Variants in MOXD1 observed in about 807,000 individuals in gnomAD.
MOXD1 encodes the protein monooxygenase DBH like 1.
In MOXD1, 62 loss-of-function variants were observed where a neutral mutation model predicts 66.6. The observed-to-expected ratio is 0.93, with a 90% CI of 0.76 to 1.15. MOXD1 has a LOEUF of 1.15. MOXD1 is among the 50% of genes most tolerant of loss of function. MOXD1 has a pLI of 0.00. For synonymous variants in MOXD1, 303 were observed against 281.9 expected, an observed-to-expected ratio of 1.07 and a Z score of -0.75; for missense variants, 847 against 754.6, an observed-to-expected ratio of 1.12 and a Z score of -1.44.
intron 4 of MOXD1, among the ~76,000 whole-genome samples, chr6:132,346,108 C>A (rs1333153273): frequency 6.6e-6 from 1 of 151,628 alleles, no homozygotes; most frequent in Non-Finnish European, 1.5e-5. Context: ...TAATTCTATC[C>A]AAGAAAGGGC....
chr6:132,393,733 G>A (rs1462263171), intron 1 of MOXD1, among the ~76,000 whole-genome samples: 4 of 152,140 alleles, frequency 2.6e-5, no homozygotes, highest in Non-Finnish European at 5.9e-5. Context: ...GTTCTGCCTG[G>A]GGGCCCAAGA....
At chr6:132,371,725 T>C (rs1317520269) in intron 4 of MOXD1, among the ~76,000 whole-genome samples, 1 of 152,126 alleles carries the variant, frequency 6.6e-6, no homozygotes, top group East Asian at 1.9e-4. Flanking sequence ...GACTTATGAT[T>C]CTCAAACCCA....
At chr6:132,360,582 A>C (rs1775998558) in intron 4 of MOXD1, among the ~76,000 whole-genome samples, 1 of 90,410 alleles carries the variant, frequency 1.1e-5, no homozygotes, top group Non-Finnish European at 2.2e-5. Context: ...GACTGTGCCC[A>C]AACAATCACT....
chr6:132,381,631 T>G (rs1386925812), intron 1 of MOXD1, among the ~76,000 whole-genome samples: 1 of 152,076 alleles, frequency 6.6e-6, no homozygotes, highest in Non-Finnish European at 1.5e-5. Context: ...TGAAAAAAAG[T>G]GTTAAATGAA....
At chr6:132,384,019 G>A (rs779864269) in intron 1 of MOXD1, among the ~76,000 whole-genome samples, 2 of 151,978 alleles carry the variant, frequency 1.3e-5, no homozygotes, top group South Asian at 2.1e-4. Flanking sequence ...GCAGTGAGCC[G>A]AGATCATCCA....
intron 4 of MOXD1, among the ~76,000 whole-genome samples, chr6:132,329,038 A>C (rs1775254377): frequency 6.6e-6 from 1 of 152,012 alleles, no homozygotes; most frequent in African/African-American, 2.4e-5. Flanking sequence ...ATATGTATAC[A>C]TGTGCCATGT....
chr6:132,336,859 C>T (rs990461542), intron 4 of MOXD1, among the ~76,000 whole-genome samples: 1 of 152,182 alleles, frequency 6.6e-6, no homozygotes, highest in Non-Finnish European at 1.5e-5. Context: ...CAACCTTGCC[C>T]TGCCAGCCAC....
rs139645328 is a variant in MOXD1 at position 132,305,287 on chromosome 6, A to G, written c.1509-7332T>C. Among the ~76,000 whole-genome samples, 443 of 152,256 alleles carry G rather than the reference A, an allele frequency of 2.9e-3. 3 individuals carry two copies. The highest frequency in any genetic ancestry group is 0.01 in the African/African-American group (419 of 41,560). Reference sequence around the variant, plus strand: ...GCCTCTTCAGGCTTGACCCTGACCCATCCTTCCTCACTGGGTGGGGCTTCC... The same window carrying G: ...GCCTCTTCAGGCTTGACCCTGACCCGTCCTTCCTCACTGGGTGGGGCTTCC... On this transcript the variant is annotated intron_variant, in intron 10 of 11. Coordinates refer to ENST00000367963, the MANE Select transcript of MOXD1 (RefSeq NM_015529.4).
intron 4 of MOXD1, among the ~76,000 whole-genome samples, chr6:132,340,765 G>A (rs1260716160): frequency 1.3e-5 from 2 of 149,002 alleles, no homozygotes; most frequent in African/African-American, 2.5e-5. Context: ...TCCTGCTTCA[G>A]CCTCTGGAGT....
intron 4 of MOXD1, among the ~76,000 whole-genome samples, chr6:132,345,818 T>A (rs565094144): frequency 1.2e-4 from 18 of 152,158 alleles, no homozygotes; most frequent in Non-Finnish European, 2.6e-4. Flanking sequence ...AGGAGTCTTT[T>A]TTTTTTCTTT....
chr6:132,315,611 T>A (rs1774927973), intron 10 of MOXD1, 24 bp downstream of exon 10: 2 of 1,594,938 alleles, frequency 1.3e-6, no homozygotes, highest in East Asian at 2.2e-5. Context: ...CGTTACCCCA[T>A]CATAAAATAC....
At chr6:132,339,896 G>A (rs1440802800) in intron 4 of MOXD1, among the ~76,000 whole-genome samples, 1 of 144,320 alleles carries the variant, frequency 6.9e-6, no homozygotes, top group Non-Finnish European at 1.5e-5. Context: ...CTGTGATGGA[G>A]TCTCACTCCG....
chr6:132,379,951 CA>C (rs1158613438), intron 1 of MOXD1, among the ~76,000 whole-genome samples: 2 of 152,086 alleles, frequency 1.3e-5, no homozygotes, highest in African/African-American at 2.4e-5. Flanking sequence ...GAGTTTTCAC[CA>C]CGTTGCCCAG....
chr6:132,329,307 G>A (rs536084365), intron 4 of MOXD1, among the ~76,000 whole-genome samples: 14 of 152,200 alleles, frequency 9.2e-5, no homozygotes, highest in Admixed American at 2.0e-4. Context: ...GAACTCATCC[G>A]TTTTTATGGC....
At chr6:132,319,295 CT>C (rs1436377479) in intron 9 of MOXD1, among the ~76,000 whole-genome samples, 1 of 151,892 alleles carries the variant, frequency 6.6e-6, no homozygotes, top group Non-Finnish European at 1.5e-5. Flanking sequence ...TAAAATTTCT[CT>C]GAAATTTTTT....
intron 1 of MOXD1, among the ~76,000 whole-genome samples, chr6:132,397,596 C>A (rs1009817214): frequency 6.9e-6 from 1 of 143,920 alleles, no homozygotes. Flanking sequence ...TATTTAAACA[C>A]ACACACACAC....
At chr6:132,392,110 C>G in intron 1 of MOXD1, 1 of 1,415,728 alleles carries the variant, frequency 7.1e-7, no homozygotes, top group Non-Finnish European at 9.4e-7. Flanking sequence ...GCTTTCCAAA[C>G]ATTTCTTTGT....
chr6:132,327,460 G>A (rs977023761), intron 6 of MOXD1, among the ~76,000 whole-genome samples: 1 of 152,148 alleles, frequency 6.6e-6, no homozygotes, highest in Non-Finnish European at 1.5e-5. Context: ...ATAATTTCGT[G>A]TTAAATCTAT....
intron 10 of MOXD1, among the ~76,000 whole-genome samples, chr6:132,302,066 A>G (rs571160888): frequency 2.0e-5 from 3 of 152,246 alleles, no homozygotes; most frequent in Admixed American, 2.0e-4. Context: ...AAATTTGTAT[A>G]AGGATCCTCT....
Sources: gnomAD v4.1 joint callset for allele counts (sites outside exome capture counted in the v4.1 genomes callset) on GRCh38, gnomAD v4.1.1 for gene constraint, MANE v1.5 for transcripts, NCBI Gene and HGNC (gene_info 2026-07-23, HGNC 2026-07-21) for gene names.